Variants in NCOA2 observed in about 807,000 individuals in gnomAD.
NCOA2 encodes nuclear receptor coactivator 2.
NCOA2 carries 21 observed loss-of-function variants against 145.1 expected under a neutral mutation model. That is an observed-to-expected ratio of 0.14 (90% CI 0.10 to 0.21). The LOEUF (loss-of-function observed/expected upper bound fraction) is 0.21. Ranked by LOEUF, NCOA2 falls within the 10% of genes least tolerant of loss-of-function variation. The pLI is 1.00. For synonymous variants in NCOA2, 619 were observed against 637.5 expected, an observed-to-expected ratio of 0.97 and a Z score of 0.44; for missense variants, 1,472 against 1,837.6, an observed-to-expected ratio of 0.80 and a Z score of 3.64.
chr8:70,271,724 G>A (rs1020337874), intron 2 of NCOA2, among the ~76,000 whole-genome samples: 4 of 152,212 alleles, frequency 2.6e-5, no homozygotes, highest in Non-Finnish European at 4.4e-5. Context: ...CTGCACGACT[G>A]AGATAGACAG....
At chr8:70,191,003 T>A (rs770814364) in intron 4 of NCOA2, among the ~76,000 whole-genome samples, 14 of 152,180 alleles carry the variant, frequency 9.2e-5, no homozygotes, top group Non-Finnish European at 1.9e-4. Flanking sequence ...GCAAGAAAAC[T>A]AATTGAGAAG....
intron 1 of NCOA2, among the ~76,000 whole-genome samples, chr8:70,390,442 T>G (rs993127432): frequency 6.6e-6 from 1 of 152,138 alleles, no homozygotes; most frequent in Non-Finnish European, 1.5e-5. Context: ...CCACTACTCT[T>G]ACACCAAGGT....
chr8:70,402,426 C>T (rs1814368384), intron 1 of NCOA2: 1 of 152,452 alleles, frequency 6.6e-6, no homozygotes. Context: ...ATTCCCGCCC[C>T]TCGGTCCCGC....
intron 2 of NCOA2, among the ~76,000 whole-genome samples, chr8:70,291,209 G>T (rs1466171606): frequency 6.6e-6 from 1 of 152,122 alleles, no homozygotes; most frequent in Non-Finnish European, 1.5e-5. Context: ...CCACTCCTAT[G>T]CATAAATCTC....
At chr8:70,415,881 G>A in the NCOA2 span, among the ~76,000 whole-genome samples, 1 of 152,146 alleles carries the variant, frequency 6.6e-6, no homozygotes, top group Non-Finnish European at 1.5e-5. Context: ...ATAATTAGTT[G>A]CATTTGAAAT....
intron 5 of NCOA2, among the ~76,000 whole-genome samples, chr8:70,172,674 C>T (rs1418186848): frequency 1.3e-5 from 2 of 152,154 alleles, no homozygotes; most frequent in African/African-American, 2.4e-5. Flanking sequence ...AAGTTACATG[C>T]CCAGTGTCCC....
chr8:70,436,026 T>C, the NCOA2 span, among the ~76,000 whole-genome samples: 2 of 152,162 alleles, frequency 1.3e-5, no homozygotes, highest in Non-Finnish European at 2.9e-5. Flanking sequence ...TGTGTAAGAA[T>C]GAATTGACTT....
At chr8:70,305,643 G>A (rs532995554) in intron 1 of NCOA2, among the ~76,000 whole-genome samples, 1 of 151,998 alleles carries the variant, frequency 6.6e-6, no homozygotes, top group Admixed American at 6.6e-5. Flanking sequence ...AGCACCAAAT[G>A]AACAGTATTT....
At chr8:70,347,785 T>C (rs996798018) in intron 1 of NCOA2, among the ~76,000 whole-genome samples, 3 of 152,176 alleles carry the variant, frequency 2.0e-5, no homozygotes, top group African/African-American at 7.2e-5. Context: ...CTTATTATAC[T>C]GTAAGATAGC....
intron 22 of NCOA2, among the ~76,000 whole-genome samples, chr8:70,114,197 T>G (rs960336354): frequency 6.6e-6 from 1 of 152,158 alleles, no homozygotes; most frequent in Non-Finnish European, 1.5e-5. Flanking sequence ...CCTGGGGTTT[T>G]GTATTTTTAG....
the NCOA2 span, among the ~76,000 whole-genome samples, chr8:70,427,299 T>C: frequency 6.6e-6 from 1 of 152,196 alleles, no homozygotes; most frequent in Non-Finnish European, 1.5e-5. Flanking sequence ...GAAAATTAAC[T>C]ATGAATCTTT....
intron 4 of NCOA2, among the ~76,000 whole-genome samples, chr8:70,198,098 G>C (rs1817526902): frequency 1.3e-5 from 2 of 152,038 alleles, no homozygotes; most frequent in Non-Finnish European, 2.9e-5. Flanking sequence ...ATGGCATCTG[G>C]CTTTTTGTTC....
At chr8:70,433,875 T>C in the NCOA2 span, among the ~76,000 whole-genome samples, 1 of 152,096 alleles carries the variant, frequency 6.6e-6, no homozygotes, top group Non-Finnish European at 1.5e-5. Context: ...CCCTGTGGGA[T>C]GTGTTAAGTT....
chr8:70,357,774 A>T (rs1809855751), intron 1 of NCOA2, among the ~76,000 whole-genome samples: 1 of 150,372 alleles, frequency 6.7e-6, no homozygotes, highest in African/African-American at 2.5e-5. Flanking sequence ...GAAGATGCCG[A>T]GCACAGTGGC....
chr8:70,317,907 A>C (rs1805734235), intron 1 of NCOA2, among the ~76,000 whole-genome samples: 1 of 152,110 alleles, frequency 6.6e-6, no homozygotes, highest in African/African-American at 2.4e-5. Flanking sequence ...CCTGGGTGAC[A>C]GAGTGAGACC....
At chr8:70,114,597 T>C (rs1048981101) in intron 22 of NCOA2, among the ~76,000 whole-genome samples, 5 of 152,234 alleles carry the variant, frequency 3.3e-5, no homozygotes, top group Admixed American at 3.3e-4. Context: ...ATTGCCCGAC[T>C]AGGCAAGGCT....
intron 2 of NCOA2, among the ~76,000 whole-genome samples, chr8:70,228,135 C>T (rs979367658): frequency 2.0e-5 from 3 of 152,002 alleles, no homozygotes; most frequent in African/African-American, 7.2e-5. Flanking sequence ...TACCTTGGCA[C>T]CTAAAAATGT....
chr8:70,372,308 G>A (rs758761957), intron 1 of NCOA2, among the ~76,000 whole-genome samples: 2 of 152,138 alleles, frequency 1.3e-5, no homozygotes, highest in Non-Finnish European at 2.9e-5. Flanking sequence ...CTTAGTTACT[G>A]GAGAAGAGGG....
At chr8:70,330,317 C>A (rs767442196) in intron 1 of NCOA2, among the ~76,000 whole-genome samples, 1 of 151,952 alleles carries the variant, frequency 6.6e-6, no homozygotes, top group African/African-American at 2.4e-5. Flanking sequence ...TGCCTGTAAT[C>A]CCAACACTTT....
Sources: gnomAD v4.1 joint callset for allele counts (sites outside exome capture counted in the v4.1 genomes callset) on GRCh38, gnomAD v4.1.1 for gene constraint, MANE v1.5 for transcripts, NCBI Gene and HGNC (gene_info 2026-07-23, HGNC 2026-07-21) for gene names.